The following PILRA variants were observed in gnomAD, a reference collection of about 807,000 sequenced individuals.
PILRA encodes the protein paired immunoglobulin-like type 2 receptor alpha.
PILRA carries 37 observed loss-of-function variants against 33.1 expected under a neutral mutation model. The ratio of observed to expected loss-of-function variants is 1.12; its 90% CI spans 0.86 to 1.47. The LOEUF (loss-of-function observed/expected upper bound fraction) is 1.47, where lower values mean the gene tolerates loss of function less well. PILRA is among the 40% of genes most tolerant of loss of function. The pLI, the probability that PILRA is intolerant of heterozygous loss-of-function variation, is 0.00. For missense variants in PILRA, 312 were observed against 376.2 expected (o/e 0.83, Z 1.41); for synonymous variants, 146 against 149.9 (o/e 0.97, Z 0.19).
chr7:100,385,905 A>T (rs1203142799), intron 2 of PILRA, among the ~76,000 whole-genome samples: 1 of 151,162 alleles, frequency 6.6e-6, no homozygotes, highest in Non-Finnish European at 1.5e-5. Context: ...CTGGGATTAC[A>T]GGCGTGAGCC....
intron 2 of PILRA, among the ~76,000 whole-genome samples, chr7:100,379,079 C>A (rs1401121013): frequency 7.2e-6 from 1 of 138,410 alleles, no homozygotes; most frequent in Non-Finnish European, 1.5e-5. Flanking sequence ...GGCAACAGAG[C>A]GAGACTCTGT....
chr7:100,378,037 G>GT (rs1790994500), intron 2 of PILRA, among the ~76,000 whole-genome samples: 1 of 152,086 alleles, frequency 6.6e-6, no homozygotes, highest in Non-Finnish European at 1.5e-5. Flanking sequence ...CATCTCAAAC[G>GT]TATTACTCCT....
At chr7:100,380,504 TC>T (rs1791065968) in intron 2 of PILRA, among the ~76,000 whole-genome samples, 1 of 152,002 alleles carries the variant, frequency 6.6e-6, no homozygotes, top group South Asian at 2.1e-4. Context: ...AATAAAAAAT[TC>T]CATTAAAGGG....
rs377129144 is a variant in PILRA, at chr7:100,374,178, G to A, written c.199G>A (p.Val67Met). The A allele has an allele frequency of 3.8e-5, 61 of 1,613,928 alleles. No homozygotes were observed. The highest frequency in any genetic ancestry group is 4.7e-5 in the Non-Finnish European group (56 of 1,179,974). ...CTGGGAGTTAGCCACAGCTCCCGAC[G>A]TGAGAATATCCTGGAGACGGGGCCA... is the stretch of plus-strand genomic sequence containing the variant. ...YPWELATAPD[V>M]RISWRRGHFH... The change falls in exon 2 of 7, where the codon GTG (valine) becomes ATG (methionine). Residue 67 changes from valine (V) to methionine (M), a missense_variant. Physicochemically the swap from Val to Met is conservative, Grantham distance 21 (BLOSUM62 1). Transcript: ENST00000198536.
In PILRA at chr7:100,373,608, G is replaced by C. The variant is rs1332330913; in HGVS notation, c.-49G>C. The C allele has an allele frequency of 6.2e-7, 1 of 1,610,626 alleles. No homozygotes were observed. The highest frequency in any genetic ancestry group is 2.2e-5 in the East Asian group (1 of 44,866). On this transcript the variant is annotated 5_prime_UTR_variant, in exon 1 of 7. Transcript: ENST00000198536. ...GGCCCCTCCACAGGGCCCCTCTCCT[G>C]CCTGGACGGCTCTGCTGGTCTCCCC...
At chr7:100,388,282 GTGGCTGAGTACTATGTCA>G (rs1308739282) in intron 2 of PILRA, among the ~76,000 whole-genome samples, 1 of 152,034 alleles carries the variant, frequency 6.6e-6, no homozygotes, top group Non-Finnish European at 1.5e-5. Context: ...TTTTTGTCCT[GTGGCTGAGTACTATGTCA>G]ATTTTTTAAG....
chr7:100,385,775 A>G (rs1437872983), intron 2 of PILRA, among the ~76,000 whole-genome samples: 3 of 151,860 alleles, frequency 2.0e-5, no homozygotes, highest in Non-Finnish European at 4.4e-5. Context: ...GATTATAGCC[A>G]TGTGCCACCG....
At chr7:100,395,107 T>G (rs1247415671) in intron 3 of PILRA, among the ~76,000 whole-genome samples, 1 of 152,162 alleles carries the variant, frequency 6.6e-6, no homozygotes, top group Non-Finnish European at 1.5e-5. Context: ...AAAATTCCTA[T>G]AATTCAACAA....
Position 100,373,683 on chromosome 7 carries a change from ACTGCCCTTG to A in PILRA, c.32_40del (p.Pro11_Leu13del). 1 of 1,613,038 alleles carries A rather than the reference ACTGCCCTTG, an allele frequency of 6.2e-7. No individual in the cohort carries two copies. The highest frequency in any genetic ancestry group is 8.5e-7 in the Non-Finnish European group (1 of 1,179,558). On this transcript the variant is annotated inframe_deletion, in exon 1 of 7. Transcript: ENST00000198536. The stretch of plus-strand genomic sequence containing the variant: ...TGGGTCGGCCCCTGCTGCTGCCCCT[ACTGCCCTTG>A]CTGCTGCCGCCAGCATTTCTGCAGC...
At chr7:100,377,736 G>C (rs1007046917) in intron 2 of PILRA, among the ~76,000 whole-genome samples, 2 of 151,082 alleles carry the variant, frequency 1.3e-5, no homozygotes, top group African/African-American at 2.4e-5. Flanking sequence ...ACAGAGCAAG[G>C]CTTCTTAATT....
At chr7:100,381,033 G>A (rs1791079785) in intron 2 of PILRA, among the ~76,000 whole-genome samples, 1 of 151,982 alleles carries the variant, frequency 6.6e-6, no homozygotes. Context: ...TTGGGAGGCT[G>A]AGGCGGGTGG....
At chr7:100,382,349 G>C (rs761836493) in intron 2 of PILRA, among the ~76,000 whole-genome samples, 3 of 152,142 alleles carry the variant, frequency 2.0e-5, no homozygotes, top group Non-Finnish European at 2.9e-5. Flanking sequence ...TTGGCACTCT[G>C]TATCTAGCTA....
upstream of PILRA, among the ~76,000 whole-genome samples, chr7:100,372,632 T>C (rs558188953): frequency 1.3e-5 from 2 of 152,278 alleles, no homozygotes; most frequent in African/African-American, 4.8e-5. Context: ...AGCCTTCACT[T>C]TCTTCTGTGT....
Position 100,400,008 on chromosome 7 carries a change from C to T in PILRA, c.*101C>T. On this transcript the variant is annotated 3_prime_UTR_variant, in exon 7 of 7. Coordinates refer to ENST00000198536, the MANE Select transcript of PILRA (RefSeq NM_013439.3). ...AAGCCTGAGGCAGAATCAAGTGAGC[C>T]CAGGAGTTCAGGGCCAGCTTTGATA... 7.8e-7 allele frequency: 1 copy of T among 1,275,114 alleles called. No individual in the cohort carries two copies. The highest frequency in any genetic ancestry group is 1.0e-6 in the Non-Finnish European group (1 of 957,856). 79.0% of individuals were successfully genotyped at this position (1,275,114 alleles called of 1,614,324 possible).
At chr7:100,383,932 C>T (rs569784455) in intron 2 of PILRA, among the ~76,000 whole-genome samples, 28 of 152,246 alleles carry the variant, frequency 1.8e-4, no homozygotes, top group East Asian at 1.9e-4. Context: ...CCTCCATGCC[C>T]GGCCCCAACT....
At chr7:100,372,188 T>G (rs563573809), upstream of PILRA, among the ~76,000 whole-genome samples, 1 of 151,962 alleles carries the variant, frequency 6.6e-6, no homozygotes, top group Non-Finnish European at 1.5e-5. Flanking sequence ...TGAATGGAGA[T>G]AATGTGTCAC....
At chr7:100,393,176 G>T (rs1013672545) in intron 3 of PILRA, among the ~76,000 whole-genome samples, 30 of 152,086 alleles carry the variant, frequency 2.0e-4, no homozygotes, top group African/African-American at 7.2e-4. Flanking sequence ...GCTACTTGGG[G>T]GGCTGAGGCA....
chr7:100,385,076 A>C (rs1791225637), intron 2 of PILRA, among the ~76,000 whole-genome samples: 1 of 152,232 alleles, frequency 6.6e-6, no homozygotes, highest in South Asian at 2.1e-4. Flanking sequence ...TAAATTCTCC[A>C]TGTCAATAGT....
At chr7:100,386,155 C>T (rs746187914) in intron 2 of PILRA, among the ~76,000 whole-genome samples, 1 of 152,210 alleles carries the variant, frequency 6.6e-6, no homozygotes, top group African/African-American at 2.4e-5. Context: ...AGATGATCCA[C>T]CTGCCTTGGC....
Sources: allele counts gnomAD v4.1 joint callset (sites outside exome capture counted in the v4.1 genomes callset), GRCh38; gene constraint gnomAD v4.1.1; transcripts MANE v1.5; gene names NCBI Gene and HGNC (gene_info 2026-07-23, HGNC 2026-07-21).